The following HOOK3 variants were observed in gnomAD, a reference collection of about 807,000 sequenced individuals.
HOOK3 encodes protein Hook homolog 3.
Under a neutral mutation model 116.3 loss-of-function variants are expected in HOOK3, and 24 were observed. The ratio of observed to expected loss-of-function variants is 0.21; its 90% CI spans 0.15 to 0.29. The LOEUF (loss-of-function observed/expected upper bound fraction) is 0.29. Among genes scored for constraint, HOOK3 ranks in the 10% least tolerant of loss-of-function variants. The pLI is 1.00. For missense variants in HOOK3, 632 were observed against 830.2 expected (o/e 0.76, Z 2.93); for synonymous variants, 275 against 283.0 (o/e 0.97, Z 0.28).
intron 1 of HOOK3, among the ~76,000 whole-genome samples, chr8:42,897,850 C>T (rs1807064399): frequency 6.6e-6 from 1 of 152,232 alleles, no homozygotes; most frequent in South Asian, 2.1e-4. Context: ...TCAGCTGCCG[C>T]GCCTTCCTGA....
At chr8:42,939,734 C>G (rs953347754) in intron 4 of HOOK3, among the ~76,000 whole-genome samples, 6 of 149,788 alleles carry the variant, frequency 4.0e-5, no homozygotes, top group Admixed American at 6.6e-5. Flanking sequence ...GACGGGGCGG[C>G]TGCCGGGCGG....
At position 42,906,286 on chromosome 8, in the gene HOOK3, G is replaced by C. The variant is rs1394856952; in HGVS notation, c.143+28G>C. On this transcript the variant is annotated intron_variant, in intron 2 of 21. Coordinates refer to ENST00000307602, the MANE Select transcript of HOOK3 (RefSeq NM_032410.4). ...AAGAATAAATTGCTTATCTTTATGT[G>C]TATTCTTATGCATGGATATTTGTTA... The C allele has an allele frequency of 2.9e-6, 4 of 1,395,608 alleles. No individual in the cohort carries two copies. The East Asian group carries it at 9.2e-5, about 32-fold the overall frequency. The allele number at this position is 1,395,608 out of a possible 1,614,324, so 86.5% of individuals were successfully genotyped here.
At chr8:42,936,191 G>A (rs1807967198) in intron 4 of HOOK3, among the ~76,000 whole-genome samples, 1 of 152,122 alleles carries the variant, frequency 6.6e-6, no homozygotes, top group Admixed American at 6.5e-5. Flanking sequence ...TTGGTTATTT[G>A]TCTGTTATTG....
intron 2 of HOOK3, among the ~76,000 whole-genome samples, chr8:42,914,864 C>A (rs117678072): frequency 6.6e-6 from 1 of 152,310 alleles, no homozygotes; most frequent in Non-Finnish European, 1.5e-5. Context: ...TGCCTGTAAT[C>A]CCAGCACTTT....
intron 4 of HOOK3, among the ~76,000 whole-genome samples, chr8:42,936,295 A>T (rs571662618): frequency 2.0e-5 from 3 of 152,332 alleles, no homozygotes; most frequent in African/African-American, 7.2e-5. Flanking sequence ...TTGGGCTGAG[A>T]TGATGGGGTT....
At chr8:43,010,241 TTTATA>T (rs1238441008) in intron 18 of HOOK3, 59 bp from the exon 19 acceptor site, 14 of 331,298 alleles carry the variant, frequency 4.2e-5, no homozygotes, top group South Asian at 1.2e-4. Flanking sequence ...AATAAATTTA[TTTATA>T]TTATAACAAT....
At chr8:42,959,136 G>C in intron 7 of HOOK3, 95 bp from the exon 8 acceptor site, 1 of 770,876 alleles carries the variant, frequency 1.3e-6, no homozygotes, top group Non-Finnish European at 2.2e-6. Context: ...CTTCAGGAAA[G>C]ACAGGGGGGA....
intron 21 of HOOK3, among the ~76,000 whole-genome samples, chr8:43,014,480 T>C (rs2130492375): frequency 6.6e-6 from 1 of 151,942 alleles, no homozygotes; most frequent in South Asian, 2.1e-4. Context: ...GCCTTCCAAG[T>C]AGCTGGGACT....
At chr8:42,921,025 A>G (rs1807646412) in intron 2 of HOOK3, among the ~76,000 whole-genome samples, 1 of 152,226 alleles carries the variant, frequency 6.6e-6, no homozygotes, top group African/African-American at 2.4e-5. Flanking sequence ...AGGCTGTATC[A>G]TGATGCCTGA....
chr8:42,936,908 A>T (rs975453131), intron 4 of HOOK3, among the ~76,000 whole-genome samples: 2 of 152,140 alleles, frequency 1.3e-5, no homozygotes, highest in African/African-American at 4.8e-5. Flanking sequence ...GCCTCATCAA[A>T]TGAGTTAGGG....
At chr8:42,950,932 G>T (rs889575451) in intron 6 of HOOK3, among the ~76,000 whole-genome samples, 1 of 152,072 alleles carries the variant, frequency 6.6e-6, no homozygotes, top group Non-Finnish European at 1.5e-5. Flanking sequence ...TGATCTGCCC[G>T]CCTTGGCCTC....
intron 14 of HOOK3, among the ~76,000 whole-genome samples, chr8:42,984,478 A>G (rs761077205): frequency 1.3e-5 from 2 of 152,202 alleles, no homozygotes; most frequent in Non-Finnish European, 2.9e-5. Context: ...GCTACTTTAT[A>G]ATTGAACCAA....
intron 15 of HOOK3, among the ~76,000 whole-genome samples, chr8:42,988,630 C>T (rs1349749334): frequency 3.3e-5 from 5 of 151,282 alleles, no homozygotes; most frequent in East Asian, 1.9e-4. Context: ...TGATCTATAA[C>T]GATAATAACA....
At chr8:42,942,633 T>C (rs1808149904) in intron 4 of HOOK3, among the ~76,000 whole-genome samples, 1 of 152,260 alleles carries the variant, frequency 6.6e-6, no homozygotes, top group Non-Finnish European at 1.5e-5. Flanking sequence ...TGAGTTTGCT[T>C]TCATTGTTTT....
At chr8:42,976,512 C>G (rs60389831) in intron 13 of HOOK3, among the ~76,000 whole-genome samples, 2,704 of 151,818 alleles carry the variant, frequency 0.018, 84 homozygotes, top group African/African-American at 0.063. Flanking sequence ...AGAAAAGGGC[C>G]AATTTAGTAA....
intron 15 of HOOK3, among the ~76,000 whole-genome samples, chr8:42,990,167 T>G (rs1809130571): frequency 6.6e-6 from 1 of 151,858 alleles, no homozygotes; most frequent in Non-Finnish European, 1.5e-5. Flanking sequence ...GGCTGATTTT[T>G]TAATTTTCTG....
chr8:43,010,431 C>G (rs1809583151), intron 19 of HOOK3, 26 bp downstream of exon 19: 2 of 876,952 alleles, frequency 2.3e-6, no homozygotes, highest in South Asian at 3.9e-5. Flanking sequence ...GTAGGCATCT[C>G]ACTCTACCTT....
chr8:42,928,522 C>T (rs1807814017), intron 3 of HOOK3, among the ~76,000 whole-genome samples: 1 of 152,086 alleles, frequency 6.6e-6, no homozygotes, highest in African/African-American at 2.4e-5. Context: ...AATAATGCTA[C>T]TGATCATTTT....
intron 4 of HOOK3, among the ~76,000 whole-genome samples, chr8:42,942,858 G>T (rs1808154173): frequency 6.6e-6 from 1 of 152,198 alleles, no homozygotes; most frequent in South Asian, 2.1e-4. Context: ...TCCGTATAAA[G>T]AAATTTCATG....
Sources: gnomAD v4.1 joint callset for allele counts (sites outside exome capture counted in the v4.1 genomes callset) on GRCh38, gnomAD v4.1.1 for gene constraint, MANE v1.5 for transcripts, NCBI Gene and HGNC (gene_info 2026-07-23, HGNC 2026-07-21) for gene names.